LPIN2: variants seen among roughly 807,000 people sequenced by gnomAD.
LPIN2 encodes lipin 2.
Under a neutral mutation model 111.4 loss-of-function variants are expected in LPIN2, and 55 were observed. The ratio of observed to expected loss-of-function variants is 0.49; its 90% CI spans 0.40 to 0.62. The LOEUF (loss-of-function observed/expected upper bound fraction) is 0.62, where lower values mean the gene tolerates loss of function less well. LPIN2 is among the 20% of genes least tolerant of loss of function. The pLI is 0.00. For synonymous variants in LPIN2, 425 were observed against 414.0 expected, an observed-to-expected ratio of 1.03 and a Z score of -0.32; for missense variants, 992 against 1,112.1, an observed-to-expected ratio of 0.89 and a Z score of 1.54.
At chr18:2,999,326 G>C (rs534734148) in intron 1 of LPIN2, among the ~76,000 whole-genome samples, 1 of 152,026 alleles carries the variant, frequency 6.6e-6, no homozygotes, top group Non-Finnish European at 1.5e-5. Flanking sequence ...TCCAGGCGCC[G>C]TGGCCCACGC....
chr18:2,939,004 C>T (rs907801211), intron 6 of LPIN2, among the ~76,000 whole-genome samples: 1 of 152,026 alleles, frequency 6.6e-6, no homozygotes, highest in Admixed American at 6.6e-5. Context: ...AAAATAAAAA[C>T]TAAAAAATTA....
Position 2,919,220 on chromosome 18 carries a change from G to C in LPIN2, c.*1073C>G, listed in dbSNP as rs1366458627. 6.6e-6 allele frequency: 1 copy of C among 152,314 alleles called. No homozygotes were observed. Among genetic ancestry groups the C allele is most frequent in the Non-Finnish European group, 1.5e-5 (1 of 68,110 alleles). 9.4% of individuals were successfully genotyped at this position (152,314 alleles called of 1,614,324 possible). A position where few individuals can be genotyped will look rare whatever the true frequency, so the allele number is the denominator to read the frequency against. On this transcript the variant is annotated 3_prime_UTR_variant, in exon 20 of 20. Coordinates refer to ENST00000677752, the MANE Select transcript of LPIN2 (RefSeq NM_001375808.2). The stretch of plus-strand genomic sequence containing the variant: ...GGCTGGGGACACTGCTCGGGGGGCA[G>C]TCTGCTCCATAGGAGCTCCAAGACC...
In LPIN2 at chr18:2,925,871, T is replaced by TTA. The variant is rs1420628614; in HGVS notation, c.1794-504_1794-503insTA. Among the ~76,000 whole-genome samples, 3 of 152,046 alleles carry TTA rather than the reference T, an allele frequency of 2.0e-5. No homozygotes were observed. The highest frequency in any genetic ancestry group is 7.2e-5 in the African/African-American group (3 of 41,432). ...ACATTTAAAAATTAGCCAGGGGTAG[T>TTA]GACACTTGTCTGTGGTCCTAACTAC... On this transcript the variant is annotated intron_variant, in intron 13 of 19. Transcript: ENST00000677752. The surrounding 1 kb of genome is among the most constrained non-coding windows in gnomAD (Gnocchi z 4.1).
intron 4 of LPIN2, chr18:2,950,354 C>T (rs544385098): frequency 6.6e-6 from 1 of 152,252 alleles, no homozygotes. Context: ...GGACCAGCAG[C>T]TCCCGCCACA....
At chr18:2,980,232 C>T (rs1437549071) in intron 1 of LPIN2, among the ~76,000 whole-genome samples, 1 of 152,178 alleles carries the variant, frequency 6.6e-6, no homozygotes. Context: ...TTCTAGGACT[C>T]AGAACTCTGG....
In LPIN2 at chr18:2,918,298, T is replaced by C; in HGVS notation, c.*1995A>G. On this transcript the variant is annotated 3_prime_UTR_variant, in exon 20 of 20. Transcript: ENST00000677752. ...AAAAAGAAACTAGTCAAAAACTCTT[T>C]AAAGGACAACCTAAAAAGGATTAAA... The C allele has an allele frequency of 6.6e-6, 1 of 152,160 alleles. No homozygotes were observed. Among genetic ancestry groups the C allele is most frequent in the Admixed American group, 6.5e-5 (1 of 15,274 alleles). 9.4% of individuals were successfully genotyped at this position (152,160 alleles called of 1,614,324 possible).
At position 2,921,651 on chromosome 18, in the gene LPIN2, A is replaced by C; in HGVS notation, c.2328-4T>G. The C allele has an allele frequency of 3.2e-6, 5 of 1,570,434 alleles. No individual in the cohort carries two copies. Among genetic ancestry groups the C allele is most frequent in the Non-Finnish European group, 4.4e-6 (5 of 1,140,148 alleles). ...TGGTTTCTTTTCTATCACTTCTCTA[A>C]GAAAAAAATACAAATACAATCACCA... On this transcript the variant is annotated splice_region_variant and splice_polypyrimidine_tract_variant and intron_variant, in intron 17 of 19. Transcript: ENST00000677752.
In LPIN2 at chr18:2,920,831, G is replaced by A. The variant is rs1167923626; in HGVS notation, c.2493C>T (p.Thr831=). 9 of 1,613,986 alleles carry A rather than the reference G, an allele frequency of 5.6e-6. No individual in the cohort carries two copies. The highest frequency in any genetic ancestry group is 4.5e-5 in the East Asian group (2 of 44,888). Reference sequence around the variant, plus strand: ...GTATTAATTCACCCTTGGGGTTCACGGTGAATATTCTACAGTCTGGAACTC... The same window carrying A: ...GTATTAATTCACCCTTGGGGTTCACAGTGAATATTCTACAGTCTGGAACTC... ...QVGVPDCRIF[T]VNPKGELIQE... is the part of the protein sequence containing the mutation. The change falls in exon 19 of 20, where the codon ACC becomes ACT. Residue 831 remains threonine (T), a synonymous_variant. Transcript: ENST00000677752.
intron 1 of LPIN2, among the ~76,000 whole-genome samples, chr18:3,011,095 T>A (rs2078595029): frequency 6.6e-6 from 1 of 152,140 alleles, no homozygotes; most frequent in Admixed American, 6.6e-5. Flanking sequence ...GGAGTTTGGC[T>A]TTCAGGAACT....
intron 9 of LPIN2, among the ~76,000 whole-genome samples, chr18:2,929,618 T>A (rs2077186214): frequency 6.6e-6 from 1 of 152,302 alleles, no homozygotes; most frequent in East Asian, 1.9e-4. Flanking sequence ...ATCTTAAAAT[T>A]GTTTGGGCCA....
At chr18:2,989,383 T>C (rs988750099) in intron 1 of LPIN2, among the ~76,000 whole-genome samples, 1 of 151,396 alleles carries the variant, frequency 6.6e-6, no homozygotes, top group Non-Finnish European at 1.5e-5. Context: ...CAAAAATCAC[T>C]GAAAAAAAAA....
chr18:2,999,650 G>A (rs1308198851), intron 1 of LPIN2, among the ~76,000 whole-genome samples: 1 of 151,522 alleles, frequency 6.6e-6, no homozygotes, highest in Non-Finnish European at 1.5e-5. Context: ...AGACAGACAT[G>A]CACACAGAAG....
intron 18 of LPIN2, 48 bp downstream of exon 18, chr18:2,921,485 C>T: frequency 7.2e-7 from 1 of 1,380,974 alleles, no homozygotes; most frequent in Non-Finnish European, 1.0e-6. Flanking sequence ...GAAGTACATC[C>T]CTCTGAATTT....
intron 1 of LPIN2, among the ~76,000 whole-genome samples, chr18:2,969,387 C>T (rs1458860121): frequency 2.0e-5 from 3 of 152,258 alleles, no homozygotes; most frequent in Admixed American, 2.0e-4. Context: ...CCTCAGAGGA[C>T]TCCCTCCTGA....
chr18:2,992,993 A>AG (rs2078287940), intron 1 of LPIN2, among the ~76,000 whole-genome samples: 1 of 151,404 alleles, frequency 6.6e-6, no homozygotes, highest in African/African-American at 2.4e-5. Context: ...AAAAAAAAAA[A>AG]AATTTAAATA....
At chr18:2,986,043 A>C (rs889442966) in intron 1 of LPIN2, among the ~76,000 whole-genome samples, 3 of 152,248 alleles carry the variant, frequency 2.0e-5, no homozygotes, top group Non-Finnish European at 4.4e-5. Context: ...ACCATGGCTC[A>C]CCTGAAACAA....
chr18:2,923,679 T>C (rs1358830099), intron 16 of LPIN2, 96 bp downstream of exon 16: 10 of 1,033,242 alleles, frequency 9.7e-6, no homozygotes, highest in Non-Finnish European at 1.4e-5. Context: ...CATAAACACA[T>C]GACTCATGTG....
chr18:2,922,278 A>G, intron 16 of LPIN2, 79 bp from the exon 17 acceptor site: 1 of 1,476,802 alleles, frequency 6.8e-7, no homozygotes, highest in Admixed American at 2.0e-5. Flanking sequence ...AAAACCCCAC[A>G]CTTTTCTTTC....
intron 1 of LPIN2, among the ~76,000 whole-genome samples, chr18:3,007,769 G>A (rs72873107): frequency 0.013 from 1,996 of 152,264 alleles, 18 homozygotes; most frequent in Middle Eastern, 0.037. Flanking sequence ...TCATATTAAC[G>A]ATCTGATGGT....
Sources: gnomAD v4.1 joint callset for allele counts (sites outside exome capture counted in the v4.1 genomes callset) on GRCh38, gnomAD v4.1.1 for gene constraint, Gnocchi (gnomAD v3.1) non-coding constraint, MANE v1.5 for transcripts, NCBI Gene and HGNC (gene_info 2026-07-23, HGNC 2026-07-21) for gene names.